Variants in SNTG2 observed in about 807,000 individuals in gnomAD.
SNTG2 encodes gamma-2-syntrophin.
In SNTG2, 74 loss-of-function variants were observed where a neutral mutation model predicts 70.9. That is an observed-to-expected ratio of 1.04 (90% confidence interval 0.86 to 1.27). The LOEUF (loss-of-function observed/expected upper bound fraction) is 1.27, where lower values mean the gene tolerates loss of function less well. Among genes scored for constraint, SNTG2 ranks in the 50% most tolerant of loss-of-function variants. The pLI is 0.00. For missense variants in SNTG2, 717 were observed against 690.7 expected (o/e 1.04, Z -0.43); for synonymous variants, 278 against 273.8 (o/e 1.02, Z -0.15).
At chr2:1,002,690 C>CA (rs34877197) in intron 1 of SNTG2, among the ~76,000 whole-genome samples, 2,344 of 117,594 alleles carry the variant, frequency 0.02, 52 homozygotes, top group African/African-American at 0.053. Flanking sequence ...GAATATTTCT[C>CA]AAAAAAAAAA....
intron 1 of SNTG2, among the ~76,000 whole-genome samples, chr2:1,054,918 A>G (rs1490406018): frequency 6.7e-6 from 1 of 148,760 alleles, no homozygotes; most frequent in East Asian, 1.9e-4. Flanking sequence ...AAATATTGCC[A>G]GGGTGATGGC....
intron 9 of SNTG2, among the ~76,000 whole-genome samples, chr2:1,217,779 G>T (rs1674496082): frequency 6.6e-6 from 1 of 152,156 alleles, no homozygotes. Flanking sequence ...TTGATGGGGT[G>T]GCCATGGTGG....
intron 9 of SNTG2, among the ~76,000 whole-genome samples, chr2:1,229,593 C>G (rs920558860): frequency 6.6e-6 from 1 of 152,222 alleles, no homozygotes; most frequent in Non-Finnish European, 1.5e-5. Flanking sequence ...CCGCGCCGTG[C>G]GCTCGCATTC....
chr2:1,072,418 T>C (rs1663638772), intron 1 of SNTG2, among the ~76,000 whole-genome samples: 1 of 149,380 alleles, frequency 6.7e-6, no homozygotes, highest in Non-Finnish European at 1.5e-5. Context: ...CTACTCTGCC[T>C]GTGCTTTATA....
At chr2:1,217,349 T>C (rs771486611) in intron 9 of SNTG2, among the ~76,000 whole-genome samples, 12 of 152,298 alleles carry the variant, frequency 7.9e-5, no homozygotes, top group Middle Eastern at 3.4e-3. Context: ...GAACTATGCG[T>C]TTGGATAAAT....
rs1558602771 is a variant in SNTG2 at position 1,255,885 on chromosome 2, A to AATATATAAAT, written c.1006-3478_1006-3477insAATATATATA. Among the ~76,000 whole-genome samples the AATATATAAAT allele has an allele frequency of 1.2e-4, 11 of 90,476 alleles. No individual in the cohort carries two copies. In the South Asian group the frequency reaches 1.3e-3, roughly 11 times the overall value. The allele number at this position is 90,476 out of a possible 152,430, so 59.4% of individuals were successfully genotyped here. A position where few individuals can be genotyped will look rare whatever the true frequency, so the allele number is the denominator to read the frequency against. On this transcript the variant is annotated intron_variant, in intron 12 of 16. Coordinates refer to ENST00000308624, the MANE Select transcript of SNTG2 (RefSeq NM_018968.4). ...ATAAATATATATAAATATATATATA[A>AATATATAAAT]ATATATATAAATATATATATAAATA...
intron 1 of SNTG2, among the ~76,000 whole-genome samples, chr2:983,342 C>CGGGATGAAGAAGTTGCAGAGGTGGAGGTT (rs1558293533): frequency 1.3e-5 from 2 of 148,586 alleles, no homozygotes; most frequent in African/African-American, 5.1e-5. Flanking sequence ...AGGTGGAAGT[C>CGGGATGAAGAAGTTGCAGAGGTGGAGGTT]GGGATGAAGA....
chr2:1,251,898 G>A (rs1425751534), intron 12 of SNTG2, among the ~76,000 whole-genome samples: 6 of 152,210 alleles, frequency 3.9e-5, no homozygotes, highest in East Asian at 1.9e-4. Context: ...GACTCCAGCC[G>A]GCAGTGATGC....
chr2:956,906 C>T (rs1660181300), intron 1 of SNTG2, among the ~76,000 whole-genome samples: 1 of 152,128 alleles, frequency 6.6e-6, no homozygotes, highest in South Asian at 2.1e-4. Context: ...TTTAGAATAG[C>T]TATGTTTTGA....
Position 1,031,689 on chromosome 2 carries a change from C to T in SNTG2, c.73-51829C>T, listed in dbSNP as rs145562846. On this transcript the variant is annotated intron_variant, in intron 1 of 16. Transcript: ENST00000308624. Reference sequence around the variant, plus strand: ...GGGATTACAGGCACGTCCCACCACGCCCAGCTAATTTGTTTCACATTTCTA... The same window carrying T: ...GGGATTACAGGCACGTCCCACCACGTCCAGCTAATTTGTTTCACATTTCTA... Among the ~76,000 whole-genome samples the T allele has an allele frequency of 7.1e-4, 108 of 151,430 alleles. 1 individual carries two copies. Among genetic ancestry groups the T allele is most frequent in the African/African-American group, 2.3e-3 (96 of 41,154 alleles).
At chr2:1,259,086 T>C (rs1218176248) in intron 12 of SNTG2, among the ~76,000 whole-genome samples, 1 of 152,220 alleles carries the variant, frequency 6.6e-6, no homozygotes, top group Non-Finnish European at 1.5e-5. Context: ...ATAGACAAGA[T>C]ATCATAGATA....
intron 14 of SNTG2, 116 bp from the exon 15 acceptor site, chr2:1,308,378 G>A: frequency 1.1e-6 from 1 of 902,444 alleles, no homozygotes; most frequent in Non-Finnish European, 1.7e-6. Flanking sequence ...CCCGTAACTT[G>A]CATATGAGAG....
chr2:1,308,120 ACATATTCCC>A (rs1178593722), intron 14 of SNTG2, among the ~76,000 whole-genome samples: 1 of 152,166 alleles, frequency 6.6e-6, no homozygotes, highest in African/African-American at 2.4e-5. Context: ...AGAAAAGTGA[ACATATTCCC>A]CAATAGGTAC....
intron 14 of SNTG2, among the ~76,000 whole-genome samples, chr2:1,292,770 C>T (rs1488851827): frequency 2.6e-5 from 4 of 152,112 alleles, no homozygotes; most frequent in African/African-American, 9.7e-5. Flanking sequence ...GAGATTTTTG[C>T]ATCAATCTTC....
intron 12 of SNTG2, among the ~76,000 whole-genome samples, chr2:1,259,120 G>A (rs1678278181): frequency 6.6e-6 from 1 of 152,152 alleles, no homozygotes; most frequent in Non-Finnish European, 1.5e-5. Flanking sequence ...TCTAAGATAA[G>A]ATAAAGGAGA....
intron 9 of SNTG2, among the ~76,000 whole-genome samples, chr2:1,212,872 A>G (rs1034696007): frequency 6.6e-6 from 1 of 152,234 alleles, no homozygotes; most frequent in African/African-American, 2.4e-5. Context: ...GAGGGTAAGG[A>G]ATAAGTTTAG....
At position 1,290,771 on chromosome 2, in the gene SNTG2, TG is replaced by T. The variant is rs752834133; in HGVS notation, c.1285-17721del. ...GTGGGAAATGCAATACATCAGATTC[TG>T]GTGTGGACACAGAGCCAAACCATAT... On this transcript the variant is annotated intron_variant, in intron 14 of 16. Transcript: ENST00000308624. 9.7e-4 allele frequency among the ~76,000 whole-genome samples: 148 copies of T among 152,312 alleles called. 1 individual carries two copies. Among genetic ancestry groups the T allele is most frequent in the East Asian group, 2.3e-3 (12 of 5,172 alleles).
chr2:1,245,906 A>G (rs1346166486), intron 11 of SNTG2, among the ~76,000 whole-genome samples: 1 of 151,962 alleles, frequency 6.6e-6, no homozygotes. Flanking sequence ...CTAGAATTCT[A>G]CCCGTTTCAT....
At chr2:1,141,929 G>A (rs1358094610) in intron 6 of SNTG2, among the ~76,000 whole-genome samples, 3 of 148,662 alleles carry the variant, frequency 2.0e-5, no homozygotes, top group Non-Finnish European at 4.5e-5. Flanking sequence ...CTCCAAGGAC[G>A]TGGCATCGCC....
Sources: allele counts gnomAD v4.1 joint callset (sites outside exome capture counted in the v4.1 genomes callset), GRCh38; gene constraint gnomAD v4.1.1; transcripts MANE v1.5; gene names NCBI Gene and HGNC (gene_info 2026-07-23, HGNC 2026-07-21).